The following ZNF827 variants were observed in gnomAD, a reference collection of about 807,000 sequenced individuals.
ZNF827 encodes the protein zinc finger protein 827.
A neutral mutation model predicts 102.4 loss-of-function variants in ZNF827; 13 were observed. The observed-to-expected ratio is 0.13, with a 90% CI of 0.08 to 0.20. The LOEUF (loss-of-function observed/expected upper bound fraction) is 0.20. ZNF827 is among the 10% of genes least tolerant of loss of function. The pLI is 1.00. For synonymous variants in ZNF827, 523 were observed against 536.2 expected (o/e 0.98, Z 0.34); for missense variants, 1,103 against 1,344.4 (o/e 0.82, Z 2.81).
At chr4:145,913,900 A>C (rs1360556478) in intron 1 of ZNF827, among the ~76,000 whole-genome samples, 1 of 152,212 alleles carries the variant, frequency 6.6e-6, no homozygotes, top group Non-Finnish European at 1.5e-5. Context: ...AATCACCAGG[A>C]AGTCTTTACT....
intron 2 of ZNF827, among the ~76,000 whole-genome samples, chr4:145,901,911 A>G (rs1354944817): frequency 6.6e-6 from 1 of 152,222 alleles, no homozygotes; most frequent in Non-Finnish European, 1.5e-5. Context: ...AATCATTTGT[A>G]TGAAAGGGAG....
At chr4:145,845,764 T>C (rs193144237) in intron 7 of ZNF827, among the ~76,000 whole-genome samples, 192 bp downstream of exon 7, 1 of 152,336 alleles carries the variant, frequency 6.6e-6, no homozygotes, top group East Asian at 1.9e-4. Context: ...GTTTAGTACA[T>C]ATTAGTGGTC....
intron 5 of ZNF827, among the ~76,000 whole-genome samples, chr4:145,859,423 A>G (rs544424752): frequency 1.3e-5 from 2 of 152,278 alleles, no homozygotes; most frequent in Admixed American, 1.3e-4. Flanking sequence ...ACAGCCAATA[A>G]TAAGTGAGTC....
At chr4:145,903,751 A>T (rs1384131764) in intron 1 of ZNF827, among the ~76,000 whole-genome samples, 1 of 152,266 alleles carries the variant, frequency 6.6e-6, no homozygotes, top group Non-Finnish European at 1.5e-5. Flanking sequence ...TAAAAAGCTT[A>T]TCAAAAATGT....
chr4:145,937,139 G>A (rs1754243616), intron 1 of ZNF827, among the ~76,000 whole-genome samples: 1 of 152,172 alleles, frequency 6.6e-6, no homozygotes, highest in African/African-American at 2.4e-5. Flanking sequence ...GAAAGACTGG[G>A]GGGTTGGGGG....
chr4:145,792,373 A>G (rs1739827280), intron 8 of ZNF827, among the ~76,000 whole-genome samples: 1 of 150,744 alleles, frequency 6.6e-6, no homozygotes, highest in Admixed American at 6.6e-5. Flanking sequence ...CAGTTGTCAT[A>G]AGAAAAAAAA....
intron 8 of ZNF827, among the ~76,000 whole-genome samples, chr4:145,821,942 GC>G (rs1270435083): frequency 6.6e-6 from 1 of 152,156 alleles, no homozygotes; most frequent in Non-Finnish European, 1.5e-5. Flanking sequence ...TGGGATGCTG[GC>G]CGTATGGGTC....
intron 1 of ZNF827, among the ~76,000 whole-genome samples, chr4:145,930,966 C>T (rs1419267916): frequency 1.3e-5 from 2 of 152,190 alleles, no homozygotes; most frequent in African/African-American, 4.8e-5. Flanking sequence ...ATTTATGAAA[C>T]TACTTTGTAA....
intron 8 of ZNF827, among the ~76,000 whole-genome samples, chr4:145,785,362 A>G (rs1421045195): frequency 6.6e-6 from 1 of 152,162 alleles, no homozygotes; most frequent in Non-Finnish European, 1.5e-5. Flanking sequence ...CATGCCTCCA[A>G]AAACTTTCCT....
intron 7 of ZNF827, among the ~76,000 whole-genome samples, chr4:145,835,576 G>A (rs1164701299): frequency 1.1e-4 from 17 of 149,474 alleles, no homozygotes; most frequent in Admixed American, 4.6e-4. Flanking sequence ...TCTCATTGCC[G>A]CCCTTCTTCC....
intron 2 of ZNF827, among the ~76,000 whole-genome samples, chr4:145,899,076 T>C (rs1751205490): frequency 6.6e-6 from 1 of 152,190 alleles, no homozygotes; most frequent in Non-Finnish European, 1.5e-5. Context: ...CTTAAGTCAT[T>C]AGGCAACAGA....
chr4:145,854,676 A>C (rs922283044), intron 5 of ZNF827, among the ~76,000 whole-genome samples: 18 of 152,232 alleles, frequency 1.2e-4, no homozygotes, highest in African/African-American at 4.3e-4. Flanking sequence ...CAGTTGCTTC[A>C]ACAGAGCATG....
At chr4:145,919,514 T>C (rs1752910779) in intron 1 of ZNF827, among the ~76,000 whole-genome samples, 1 of 152,228 alleles carries the variant, frequency 6.6e-6, no homozygotes, top group Non-Finnish European at 1.5e-5. Flanking sequence ...AGAGACCTGG[T>C]TCCACTTTGA....
intron 10 of ZNF827, among the ~76,000 whole-genome samples, chr4:145,775,072 A>G (rs1736843184): frequency 6.6e-6 from 1 of 151,822 alleles, no homozygotes; most frequent in African/African-American, 2.4e-5. Context: ...TAGTCCAGGA[A>G]CCTCTCTCTG....
At chr4:145,866,068 G>C (rs557396084) in intron 5 of ZNF827, among the ~76,000 whole-genome samples, 66 of 152,264 alleles carry the variant, frequency 4.3e-4, no homozygotes, top group Non-Finnish European at 2.2e-4. Flanking sequence ...GGTGAGGAAG[G>C]GGGTGGTTCC....
rs371223752 is a variant in ZNF827 at position 145,852,904 on chromosome 4, G to A, written c.1982-3343C>T. ...TGCCTCAGCCTCCTGAGAAGCTGGG[G>A]CTACCTGCACAAGCCACCATCCTGG... is the stretch of plus-strand genomic sequence containing the variant. On this transcript the variant is annotated intron_variant, in intron 5 of 14. Transcript: ENST00000508784. Among the ~76,000 whole-genome samples the A allele has an allele frequency of 6.6e-5, 10 of 152,254 alleles. No homozygotes were observed. In the East Asian group the frequency reaches 1.9e-3, roughly 29 times the overall value.
At chr4:145,850,009 T>C (rs1441869809) in intron 5 of ZNF827, among the ~76,000 whole-genome samples, 1 of 151,588 alleles carries the variant, frequency 6.6e-6, no homozygotes, top group East Asian at 1.9e-4. Flanking sequence ...TTTCTCCCTC[T>C]ATTTTTTTTT....
chr4:145,856,157 G>A (rs10004928), intron 5 of ZNF827, among the ~76,000 whole-genome samples: 29,267 of 151,846 alleles, frequency 0.19, 3,917 homozygotes, highest in East Asian at 0.63. Context: ...ACCATGCACG[G>A]CTAATTTTTT....
At chr4:145,843,184 T>C (rs1193859195) in intron 7 of ZNF827, among the ~76,000 whole-genome samples, 2 of 151,434 alleles carry the variant, frequency 1.3e-5, no homozygotes, top group Non-Finnish European at 2.9e-5. Context: ...AGAGATCTAT[T>C]TATGGATAGG....
Sources: allele counts gnomAD v4.1 joint callset (sites outside exome capture counted in the v4.1 genomes callset), GRCh38; gene constraint gnomAD v4.1.1; transcripts MANE v1.5; gene names NCBI Gene and HGNC (gene_info 2026-07-23, HGNC 2026-07-21).